The following GPBAR1 variants were observed in gnomAD, a reference collection of about 807,000 sequenced individuals.
GPBAR1 encodes G protein-coupled bile acid receptor 1.
GPBAR1 carries 13 observed loss-of-function variants against 13.0 expected under a neutral mutation model. The observed-to-expected ratio is 1.00, with a 90% CI of 0.65 to 1.59. GPBAR1 has a LOEUF of 1.59. Ranked by LOEUF, GPBAR1 falls within the 40% of genes most tolerant of loss-of-function variation. GPBAR1 has a pLI of 0.00. For synonymous variants in GPBAR1, 193 were observed against 205.2 expected, an observed-to-expected ratio of 0.94 and a Z score of 0.51; for missense variants, 398 against 436.4, an observed-to-expected ratio of 0.91 and a Z score of 0.78.
At position 218,261,027 on chromosome 2, in the gene GPBAR1, G is replaced by C. The variant is rs184400761; in HGVS notation, c.-235G>C. 1 of 152,134 alleles carries C rather than the reference G, an allele frequency of 6.6e-6. No homozygotes were observed. Among genetic ancestry groups the C allele is most frequent in the Non-Finnish European group, 1.5e-5 (1 of 68,022 alleles). The allele number at this position is 152,134 out of a possible 1,614,324, so 9.4% of individuals were successfully genotyped here. Reference sequence around the variant, plus strand: ...TCTCTATCCCTCTGAGAACCCAGACGGGCAGAGCCTGGGTAGGAGAGCCTG... The same window carrying C: ...TCTCTATCCCTCTGAGAACCCAGACCGGCAGAGCCTGGGTAGGAGAGCCTG... On this transcript the variant is annotated 5_prime_UTR_variant, in exon 1 of 2. Coordinates refer to ENST00000519574, the MANE Select transcript of GPBAR1 (RefSeq NM_170699.3).
chr2:218,260,365 C>T (rs192584832), upstream of GPBAR1, among the ~76,000 whole-genome samples: 3 of 152,316 alleles, frequency 2.0e-5, no homozygotes, highest in East Asian at 5.8e-4. Context: ...GGGGCAAACC[C>T]CCACCCATCA....
chr2:218,261,779 G>C (rs970790756), intron 1 of GPBAR1, among the ~76,000 whole-genome samples: 1 of 152,112 alleles, frequency 6.6e-6, no homozygotes, highest in Non-Finnish European at 1.5e-5. Context: ...CTGCTCCCCT[G>C]TTGACAGAAG....
In GPBAR1 at chr2:218,263,742, C is replaced by T. The variant is rs931324210; in HGVS notation, c.*25C>T. 5.8e-5 allele frequency: 93 copies of T among 1,612,598 alleles called. No individual in the cohort carries two copies. The highest frequency in any genetic ancestry group is 7.5e-5 in the Non-Finnish European group (89 of 1,179,706). On this transcript the variant is annotated 3_prime_UTR_variant, in exon 2 of 2. Coordinates refer to ENST00000519574, the MANE Select transcript of GPBAR1 (RefSeq NM_170699.3). This position sits in a 1 kb window ranked among gnomAD's most constrained non-coding sequence, Gnocchi z 4.2. ...AAGGAAGGGCCTCTGCTGACTCCTACCAGAGCATCCGTCCAGCTCAGCCAT... is the reference window on the plus strand; with the variant it reads ...AAGGAAGGGCCTCTGCTGACTCCTATCAGAGCATCCGTCCAGCTCAGCCAT...
In GPBAR1 at chr2:218,263,748, C is replaced by A. The variant is rs1441887040; in HGVS notation, c.*31C>A. The A allele has an allele frequency of 2.5e-6, 4 of 1,612,480 alleles. No homozygotes were observed. Among genetic ancestry groups the A allele is most frequent in the African/African-American group, 2.7e-5 (2 of 74,922 alleles). On this transcript the variant is annotated 3_prime_UTR_variant, in exon 2 of 2. Coordinates refer to ENST00000519574, the MANE Select transcript of GPBAR1 (RefSeq NM_170699.3). The surrounding 1 kb of genome is among the most constrained non-coding windows in gnomAD (Gnocchi z 4.2). Reference sequence around the variant, plus strand: ...GGGCCTCTGCTGACTCCTACCAGAGCATCCGTCCAGCTCAGCCATCCAGCC... The same window carrying A: ...GGGCCTCTGCTGACTCCTACCAGAGAATCCGTCCAGCTCAGCCATCCAGCC...
chr2:218,263,056 A>T lies in GPBAR1; in HGVS notation c.332A>T (p.Tyr111Phe), dbSNP rs1187008955. Reference protein sequence around the residue: ...ANLLLVHGERYMAVLRPLQPP... With the variant: ...ANLLLVHGERFMAVLRPLQPP... Reference sequence around the variant, plus strand: ...CTCTTGCTGGTGCACGGGGAGCGCTACATGGCAGTCCTGAGGCCACTCCAG... The same window carrying T: ...CTCTTGCTGGTGCACGGGGAGCGCTTCATGGCAGTCCTGAGGCCACTCCAG... Residue 111 changes from tyrosine (Y) to phenylalanine (F), a missense_variant, in exon 2 of 2, where the codon TAC becomes TTC. Transcript: ENST00000519574. The surrounding 1 kb of genome is among the most constrained non-coding windows in gnomAD (Gnocchi z 4.2). The T allele has an allele frequency of 6.2e-7, 1 of 1,613,658 alleles. No homozygotes were observed. The highest frequency in any genetic ancestry group is 8.5e-7 in the Non-Finnish European group (1 of 1,179,834).
At chr2:218,261,732 ATCCTT>A (rs1690420938) in intron 1 of GPBAR1, among the ~76,000 whole-genome samples, 1 of 151,952 alleles carries the variant, frequency 6.6e-6, no homozygotes, top group South Asian at 2.1e-4. Context: ...AGAGGTATGA[ATCCTT>A]TCCTTATTGA....
rs765699564 is a variant in GPBAR1, at chr2:218,262,802, C to A, written c.78C>A (p.Ser26Arg). 1.2e-6 allele frequency: 2 copies of A among 1,613,216 alleles called. No individual in the cohort carries two copies. The highest frequency in any genetic ancestry group is 1.7e-4 in the Middle Eastern group (1 of 6,060). The change falls in exon 2 of 2, where the codon AGC becomes AGA. Residue 26 changes from serine to arginine, a missense_variant. Ser to Arg is a moderately radical substitution (Grantham distance 110). Transcript: ENST00000519574. This position sits in a 1 kb window ranked among gnomAD's most constrained non-coding sequence, Gnocchi z 5.1. ...TGGGGCTCTCCCTGGCCCTGGCAAG[C>A]CTCATCATCACCGCGAACCTGCTCC... The part of the protein sequence containing the change: ...GALGLSLALA[S>R]LIITANLLLA...
In GPBAR1 at chr2:218,261,039, G is replaced by A. The variant is rs1263996741; in HGVS notation, c.-223G>A. 3.3e-5 allele frequency: 5 copies of A among 152,196 alleles called. No homozygotes were observed. The highest frequency in any genetic ancestry group is 4.8e-5 in the African/African-American group (2 of 41,432). The allele number at this position is 152,196 out of a possible 1,614,324, so 9.4% of individuals were successfully genotyped here. On this transcript the variant is annotated 5_prime_UTR_variant, in exon 1 of 2. Transcript: ENST00000519574. ...TGAGAACCCAGACGGGCAGAGCCTG[G>A]GTAGGAGAGCCTGGCCCCGCTGTCC...
chr2:218,263,684 C>T lies in GPBAR1; in HGVS notation c.960C>T (p.Ser320=), dbSNP rs1275101932. The change falls in exon 2 of 2, where the codon AGC becomes AGT. Residue 320 remains serine (S), a synonymous_variant. Transcript: ENST00000519574. The surrounding 1 kb of genome is among the most constrained non-coding windows in gnomAD (Gnocchi z 4.2). ...GCCCCAGCATTGCCTACCACCCAAGCAGCCAAAGCAGTGTCGACCTGGACT... is the reference window on the plus strand; with the variant it reads ...GCCCCAGCATTGCCTACCACCCAAGTAGCCAAAGCAGTGTCGACCTGGACT... The part of the protein sequence containing the change: ...SPGPSIAYHP[S]SQSSVDLDLN The T allele has an allele frequency of 1.2e-6, 2 of 1,612,848 alleles. No homozygotes were observed. Among genetic ancestry groups the T allele is most frequent in the African/African-American group, 2.7e-5 (2 of 74,914 alleles).
chr2:218,260,654 G>C (rs1690387525), upstream of GPBAR1, among the ~76,000 whole-genome samples: 1 of 152,134 alleles, frequency 6.6e-6, no homozygotes, highest in African/African-American at 2.4e-5. Context: ...TGGGATGGGG[G>C]AGTGAAGATC....
At position 218,262,446 on chromosome 2, in the gene GPBAR1, C is replaced by T; in HGVS notation, c.-45-234C>T. 1 of 440,404 alleles carries T rather than the reference C, an allele frequency of 2.3e-6. No individual in the cohort carries two copies. Among genetic ancestry groups the T allele is most frequent in the East Asian group, 3.8e-5 (1 of 26,622 alleles). 27.3% of individuals were successfully genotyped at this position (440,404 alleles called of 1,614,324 possible). On this transcript the variant is annotated intron_variant, in intron 1 of 1. Coordinates refer to ENST00000519574, the MANE Select transcript of GPBAR1 (RefSeq NM_170699.3). This position sits in a 1 kb window ranked among gnomAD's most constrained non-coding sequence, Gnocchi z 5.1. ...TCCGAAGGGCAGCCAGCAGTGAGCT[C>T]CGGCTGGTTGCTACCACACAGGACA... is the stretch of plus-strand genomic sequence containing the variant.
chr2:218,263,815 C>A lies in GPBAR1; in HGVS notation c.*98C>A. The A allele has an allele frequency of 7.2e-7, 1 of 1,397,974 alleles. No homozygotes were observed. The highest frequency in any genetic ancestry group is 1.0e-6 in the Non-Finnish European group (1 of 987,016). 86.6% of individuals were successfully genotyped at this position (1,397,974 alleles called of 1,614,324 possible). ...CACTTCTCTGGATCAGAGACCCTGC[C>A]TCTGTTTGACCCCGCACTGACTGAA... On this transcript the variant is annotated 3_prime_UTR_variant, in exon 2 of 2. Coordinates refer to ENST00000519574, the MANE Select transcript of GPBAR1 (RefSeq NM_170699.3). The surrounding 1 kb of genome is among the most constrained non-coding windows in gnomAD (Gnocchi z 4.2).
Position 218,263,813 on chromosome 2 carries a change from G to A in GPBAR1, c.*96G>A, listed in dbSNP as rs1279024228. 2 of 1,441,158 alleles carry A rather than the reference G, an allele frequency of 1.4e-6. No homozygotes were observed. Among genetic ancestry groups the A allele is most frequent in the Non-Finnish European group, 1.9e-6 (2 of 1,026,164 alleles). 89.3% of individuals were successfully genotyped at this position (1,441,158 alleles called of 1,614,324 possible). ...CCCACTTCTCTGGATCAGAGACCCT[G>A]CCTCTGTTTGACCCCGCACTGACTG... On this transcript the variant is annotated 3_prime_UTR_variant, in exon 2 of 2. Coordinates refer to ENST00000519574, the MANE Select transcript of GPBAR1 (RefSeq NM_170699.3). This position sits in a 1 kb window ranked among gnomAD's most constrained non-coding sequence, Gnocchi z 4.2.
At chr2:218,260,198 T>A (rs13003334), upstream of GPBAR1, 68,855 of 152,142 alleles carry the variant, frequency 0.45, 18,016 homozygotes, top group South Asian at 0.62. Flanking sequence ...AGTACAACTA[T>A]GGGCCCCATT....
chr2:218,260,779 A>G (rs1690390435), upstream of GPBAR1, among the ~76,000 whole-genome samples: 1 of 152,106 alleles, frequency 6.6e-6, no homozygotes, highest in Non-Finnish European at 1.5e-5. Flanking sequence ...GCATCAGCTG[A>G]GGCGGGAAGT....
chr2:218,263,081 GC>G lies in GPBAR1; in HGVS notation c.362del (p.Pro121LeufsTer148). 6.2e-7 allele frequency: 1 copy of G among 1,613,334 alleles called. No individual in the cohort carries two copies. On this transcript the variant is annotated frameshift_variant, in exon 2 of 2. Coordinates refer to ENST00000519574, the MANE Select transcript of GPBAR1 (RefSeq NM_170699.3). LOFTEE classifies it high-confidence loss of function. The surrounding 1 kb of genome is among the most constrained non-coding windows in gnomAD (Gnocchi z 4.2). ...ACATGGCAGTCCTGAGGCCACTCCA[GC>G]CCCCTGGGAGCATTCGGCTGGCCCT... Reference protein sequence around the residue: ...RYMAVLRPLQPPGSIRLALLL... With the variant: ...RYMAVLRPLQXPGSIRLALLL...
rs747236635 is a variant in GPBAR1 at position 218,263,156 on chromosome 2, G to A, written c.432G>A (p.Leu144=). Residue 144 remains leucine, a synonymous_variant, in exon 2 of 2, where the codon CTG becomes CTA. Coordinates refer to ENST00000519574, the MANE Select transcript of GPBAR1 (RefSeq NM_170699.3). This position sits in a 1 kb window ranked among gnomAD's most constrained non-coding sequence, Gnocchi z 4.2. The part of the protein sequence containing the change: ...GPLLFASLPA[L]GWNHWTPGAN... ...TGCTCTTTGCCAGTCTGCCCGCTCT[G>A]GGGTGGAACCACTGGACCCCTGGTG... 1.2e-6 allele frequency: 2 copies of A among 1,611,468 alleles called. No homozygotes were observed. Among genetic ancestry groups the A allele is most frequent in the Admixed American group, 1.7e-5 (1 of 60,010 alleles).
chr2:218,263,561 C>T lies in GPBAR1; in HGVS notation c.837C>T (p.Ala279=), dbSNP rs755950734. ...GSASAAAVPV[A]MGLGDQRYTA... The stretch of plus-strand genomic sequence containing the variant: ...CCAGTGCAGCGGCAGTGCCCGTAGC[C>T]ATGGGGCTGGGCGATCAGCGCTACA... The change falls in exon 2 of 2, where the codon GCC becomes GCT. Residue 279 remains alanine (A), a synonymous_variant. Transcript: ENST00000519574. This position sits in a 1 kb window ranked among gnomAD's most constrained non-coding sequence, Gnocchi z 4.2. 3 of 1,612,534 alleles carry T rather than the reference C, an allele frequency of 1.9e-6. No homozygotes were observed. The Admixed American group carries it at 5.0e-5, about 27-fold the overall frequency.
chr2:218,263,752 C>T lies in GPBAR1; in HGVS notation c.*35C>T, dbSNP rs546582155. On this transcript the variant is annotated 3_prime_UTR_variant, in exon 2 of 2. Coordinates refer to ENST00000519574, the MANE Select transcript of GPBAR1 (RefSeq NM_170699.3). This position sits in a 1 kb window ranked among gnomAD's most constrained non-coding sequence, Gnocchi z 4.2. Reference sequence around the variant, plus strand: ...CTCTGCTGACTCCTACCAGAGCATCCGTCCAGCTCAGCCATCCAGCCTGTC... The same window carrying T: ...CTCTGCTGACTCCTACCAGAGCATCTGTCCAGCTCAGCCATCCAGCCTGTC... 5.6e-6 allele frequency: 9 copies of T among 1,612,482 alleles called. No individual in the cohort carries two copies. Among genetic ancestry groups the T allele is most frequent in the South Asian group, 2.2e-5 (2 of 91,074 alleles).
Sources: allele counts gnomAD v4.1 joint callset (sites outside exome capture counted in the v4.1 genomes callset), GRCh38; gene constraint gnomAD v4.1.1; non-coding constraint Gnocchi (gnomAD v3.1); transcripts MANE v1.5; gene names NCBI Gene and HGNC (gene_info 2026-07-23, HGNC 2026-07-21).